The following DIAPH2 variants were observed in gnomAD, a reference collection of about 807,000 sequenced individuals.
DIAPH2 encodes the protein protein diaphanous homolog 2.
A neutral mutation model predicts 92.7 loss-of-function variants in DIAPH2; 35 were observed. The observed-to-expected ratio is 0.38, with a 90% CI of 0.29 to 0.50. The LOEUF is 0.50. Among genes scored for constraint, DIAPH2 ranks in the 20% least tolerant of loss-of-function variants. The pLI is 0.94. For synonymous variants in DIAPH2, 301 were observed against 280.4 expected, an observed-to-expected ratio of 1.07 and a Z score of -0.73; for missense variants, 701 against 819.5, an observed-to-expected ratio of 0.86 and a Z score of 1.77.
chrX:97,446,706 G>A (rs1180999291), intron 26 of DIAPH2, among the ~76,000 whole-genome samples: 1 of 110,858 alleles, frequency 9.0e-6, no homozygotes. Flanking sequence ...CAGGAAAATA[G>A]TATATTTGAT....
At chrX:96,865,665 C>A (rs1357755839) in intron 4 of DIAPH2, among the ~76,000 whole-genome samples, 1 of 112,199 alleles carries the variant, frequency 8.9e-6, no homozygotes, top group Non-Finnish European at 1.9e-5. Flanking sequence ...CTCATACTTA[C>A]TAGCTGTGTG....
intron 23 of DIAPH2, among the ~76,000 whole-genome samples, chrX:97,296,834 G>A (rs1351302622): frequency 5.6e-5 from 6 of 106,981 alleles, no homozygotes; most frequent in Admixed American, 3.0e-4. Context: ...CTGGAGTGCA[G>A]TGGCATGATC....
chrX:97,404,269 T>G (rs188616205), intron 25 of DIAPH2, among the ~76,000 whole-genome samples: 74 of 112,094 alleles, frequency 6.6e-4, no homozygotes, highest in Non-Finnish European at 1.3e-3. Flanking sequence ...TGCAGTTATT[T>G]GATGTGTCTT....
intron 3 of DIAPH2, among the ~76,000 whole-genome samples, chrX:96,753,317 C>T (rs1318251049): frequency 8.9e-6 from 1 of 111,751 alleles, no homozygotes; most frequent in Non-Finnish European, 1.9e-5. Flanking sequence ...CAATATGAGT[C>T]AGCAGAATGA....
intron 4 of DIAPH2, among the ~76,000 whole-genome samples, chrX:96,805,726 A>T (rs2064619504): frequency 9.0e-6 from 1 of 111,268 alleles, no homozygotes; most frequent in African/African-American, 3.3e-5. Flanking sequence ...ATATCCCACC[A>T]CTTTAGCCCC....
At chrX:96,956,029 T>C (rs745639805) in intron 15 of DIAPH2, among the ~76,000 whole-genome samples, 3 of 112,659 alleles carry the variant, frequency 2.7e-5, no homozygotes, top group Non-Finnish European at 5.6e-5. Context: ...ATTTCCCTTC[T>C]GCACTGCCCT....
intron 20 of DIAPH2, among the ~76,000 whole-genome samples, chrX:97,112,004 G>A (rs1415026264): frequency 8.9e-6 from 1 of 112,083 alleles, no homozygotes; most frequent in Non-Finnish European, 1.9e-5. Context: ...ATTGCTGTTA[G>A]CATTGTTACC....
intron 4 of DIAPH2, among the ~76,000 whole-genome samples, chrX:96,812,499 G>T (rs753994850): frequency 1.8e-5 from 2 of 111,036 alleles, no homozygotes; most frequent in South Asian, 3.8e-4. Context: ...TTTTTGAAGG[G>T]TATTTTGTGT....
chrX:96,918,404 A>G (rs1193291840), intron 8 of DIAPH2, 105 bp from the exon 9 acceptor site: 3 of 487,712 alleles, frequency 6.2e-6, no homozygotes, highest in Non-Finnish European at 1.0e-5. Context: ...GGTATATATA[A>G]ACATCAAATA....
At chrX:97,132,740 AGAAAT>A (rs1345884064) in intron 21 of DIAPH2, among the ~76,000 whole-genome samples, 1 of 112,235 alleles carries the variant, frequency 8.9e-6, no homozygotes. Context: ...TTTCACTAAA[AGAAAT>A]AAAGTTGAAT....
chrX:97,503,911 A>G lies in DIAPH2; in HGVS notation c.3241+74166A>G, dbSNP rs764766436. Among the ~76,000 whole-genome samples the G allele has an allele frequency of 2.7e-5, 3 of 111,865 alleles. No individual in the cohort carries two copies. The Admixed American group carries it at 2.8e-4, about 11-fold the overall frequency. Reference sequence around the variant, plus strand: ...ATTTTATGCATTCAACCTGCTTCAGAATTTTTTTTCAAACTAAATAGTCAG... The same window carrying G: ...ATTTTATGCATTCAACCTGCTTCAGGATTTTTTTTCAAACTAAATAGTCAG... On this transcript the variant is annotated intron_variant, in intron 26 of 26. Transcript: ENST00000324765.
At chrX:97,549,830 AC>A (rs2071207473) in intron 26 of DIAPH2, among the ~76,000 whole-genome samples, 1 of 111,998 alleles carries the variant, frequency 8.9e-6, no homozygotes, top group South Asian at 3.7e-4. Context: ...TCCGCATTCT[AC>A]AAGATAATTT....
chrX:97,129,315 C>T (rs2067121434), intron 21 of DIAPH2, among the ~76,000 whole-genome samples: 1 of 107,974 alleles, frequency 9.3e-6, no homozygotes, highest in African/African-American at 3.4e-5. Context: ...TACAGGTGCA[C>T]ACCACCGTGC....
chrX:97,590,695 AC>A lies in DIAPH2; in HGVS notation c.3242-8555del, dbSNP rs746192128. ...AACCCAAATGGCTGCTTGAGCTCTC[AC>A]CCTGCCAAACACTCCTGGCCCAGGT... On this transcript the variant is annotated intron_variant, in intron 26 of 26. Transcript: ENST00000324765. 2.7e-5 allele frequency among the ~76,000 whole-genome samples: 3 copies of A among 111,122 alleles called. No individual in the cohort carries two copies. The Admixed American group carries it at 2.9e-4, about 11-fold the overall frequency.
chrX:97,287,899 G>A (rs1400120994), intron 23 of DIAPH2, among the ~76,000 whole-genome samples: 1 of 90,015 alleles, frequency 1.1e-5, no homozygotes, highest in East Asian at 3.6e-4. Flanking sequence ...GTTGCAGTGA[G>A]CCAAGATCGC....
At chrX:96,774,743 C>T (rs1183171189) in intron 4 of DIAPH2, among the ~76,000 whole-genome samples, 1 of 111,666 alleles carries the variant, frequency 9.0e-6, no homozygotes, top group Non-Finnish European at 1.9e-5. Context: ...TGCACGCTTG[C>T]CTTTTATAAT....
chrX:97,281,720 G>A, intron 23 of DIAPH2, among the ~76,000 whole-genome samples: 1 of 108,201 alleles, frequency 9.2e-6, no homozygotes, highest in Non-Finnish European at 1.9e-5. Flanking sequence ...CTCCAGCCTG[G>A]GCAACAAAGT....
chrX:97,485,218 G>A (rs189945201), intron 26 of DIAPH2, among the ~76,000 whole-genome samples: 52 of 111,595 alleles, frequency 4.7e-4, no homozygotes, highest in African/African-American at 1.7e-3. Flanking sequence ...ATAATACCAC[G>A]TCTAAACTGG....
intron 20 of DIAPH2, among the ~76,000 whole-genome samples, chrX:97,100,928 T>G (rs905560754): frequency 8.0e-5 from 9 of 111,850 alleles, no homozygotes; most frequent in African/African-American, 2.6e-4. Flanking sequence ...TATAGAAGGA[T>G]TCTGTCAAAT....
Sources: allele counts gnomAD v4.1 joint callset (sites outside exome capture counted in the v4.1 genomes callset), GRCh38; gene constraint gnomAD v4.1.1; transcripts MANE v1.5; gene names NCBI Gene and HGNC (gene_info 2026-07-23, HGNC 2026-07-21).